The following CLCN7 variants were observed in gnomAD, a reference collection of about 807,000 sequenced individuals.
The protein encoded by CLCN7 is H(+)/Cl(-) exchange transporter 7.
Under a neutral mutation model 102.1 loss-of-function variants are expected in CLCN7, and 60 were observed. That is an observed-to-expected ratio of 0.59 (90% CI 0.48 to 0.73). CLCN7 has a LOEUF of 0.73. Ranked by LOEUF, CLCN7 falls within the 30% of genes least tolerant of loss-of-function variation. The pLI is 0.00. For synonymous variants in CLCN7, 560 were observed against 490.5 expected, an observed-to-expected ratio of 1.14 and a Z score of -1.87; for missense variants, 962 against 1,125.7, an observed-to-expected ratio of 0.85 and a Z score of 2.08.
At position 1,450,257 on chromosome 16, in the gene CLCN7, C is replaced by T. The variant is rs555281866; in HGVS notation, c.1617+240G>A. 96 of 580,498 alleles carry T rather than the reference C, an allele frequency of 1.7e-4. 1 individual carries two copies. Among genetic ancestry groups the T allele is most frequent in the South Asian group, 4.0e-5 (2 of 50,424 alleles). The allele number at this position is 580,498 out of a possible 1,614,324, so 36.0% of individuals were successfully genotyped here. A position where few individuals can be genotyped will look rare whatever the true frequency, so the allele number is the denominator to read the frequency against. On this transcript the variant is annotated intron_variant, in intron 17 of 24. Coordinates refer to ENST00000382745, the MANE Select transcript of CLCN7 (RefSeq NM_001287.6). ...TCTCAAGAATAAGGACACGAGCCTC[C>T]GCCCCCTACCTTCGCCTGGTCCAGA...
chr16:1,463,768 T>C (rs548962025), intron 2 of CLCN7, among the ~76,000 whole-genome samples: 136 of 115,536 alleles, frequency 1.2e-3, no homozygotes, highest in African/African-American at 4.7e-3. Flanking sequence ...CCACCACACC[T>C]GCCCAGAAAA....
chr16:1,447,098 G>C lies in CLCN7; in HGVS notation c.2251-12C>G, dbSNP rs1321473259. ...GGGAGCGACGCCTCCTGCAGCAGGGGCACAGCTGTCAGTGCCCGCCCACAC... is the reference window on the plus strand; with the variant it reads ...GGGAGCGACGCCTCCTGCAGCAGGGCCACAGCTGTCAGTGCCCGCCCACAC... On this transcript the variant is annotated splice_polypyrimidine_tract_variant and intron_variant, in intron 23 of 24. Transcript: ENST00000382745. 6.3e-7 allele frequency: 1 copy of C among 1,588,150 alleles called. No individual in the cohort carries two copies. Among genetic ancestry groups the C allele is most frequent in the Non-Finnish European group, 8.5e-7 (1 of 1,172,830 alleles).
intron 1 of CLCN7, chr16:1,474,218 G>A: frequency 2.2e-6 from 1 of 456,082 alleles, no homozygotes; most frequent in South Asian, 1.5e-5. Flanking sequence ...CTGACTTGCT[G>A]CTTATTGTGT....
intron 1 of CLCN7, among the ~76,000 whole-genome samples, chr16:1,473,867 G>A (rs1018954226): frequency 6.6e-6 from 1 of 151,836 alleles, no homozygotes; most frequent in East Asian, 2.0e-4. Context: ...GGGGGATCAC[G>A]TGAGGTCGGG....
Position 1,452,839 on chromosome 16 carries a change from G to A in CLCN7, c.1269C>T (p.Val423=). The A allele has an allele frequency of 6.3e-7, 1 of 1,589,826 alleles. No individual in the cohort carries two copies. The highest frequency in any genetic ancestry group is 8.6e-7 in the Non-Finnish European group (1 of 1,168,450). ...TCAGCACGAAGGCAACTGTGGCCGT[G>A]ACGGCGGCCACCAGCACGGCCTCAA... is the stretch of plus-strand genomic sequence containing the variant. ...QVIEAVLVAA[V]TATVAFVLIY... The change falls in exon 15 of 25, where the codon GTC becomes GTT. Residue 423 remains valine, a synonymous_variant. Coordinates refer to ENST00000382745, the MANE Select transcript of CLCN7 (RefSeq NM_001287.6).
Position 1,456,220 on chromosome 16 carries a change from A to G in CLCN7, c.823-14T>C. On this transcript the variant is annotated splice_polypyrimidine_tract_variant and intron_variant, in intron 9 of 24. Coordinates refer to ENST00000382745, the MANE Select transcript of CLCN7 (RefSeq NM_001287.6). Reference sequence around the variant, plus strand: ...GTACTCGAAGATCTGCAACAGGGACAGACCAGGGTCGGGGCAGGTTCCTTG... The same window carrying G: ...GTACTCGAAGATCTGCAACAGGGACGGACCAGGGTCGGGGCAGGTTCCTTG... The G allele has an allele frequency of 6.4e-7, 1 of 1,556,898 alleles. No homozygotes were observed. The highest frequency in any genetic ancestry group is 8.7e-7 in the Non-Finnish European group (1 of 1,148,914).
At chr16:1,471,609 C>T (rs998924348) in intron 1 of CLCN7, 1 of 152,248 alleles carries the variant, frequency 6.6e-6, no homozygotes, top group African/African-American at 2.4e-5. Context: ...TTTAACACGA[C>T]CGGGCACGAC....
Position 1,450,489 on chromosome 16 carries a change from C to G in CLCN7, c.1617+8G>C. The stretch of plus-strand genomic sequence containing the variant: ...GGGCCCCACAGCCTCCCCTCCGGCC[C>G]CACTCACCGCCGCCCCCGTGAGGTA... On this transcript the variant is annotated splice_region_variant and intron_variant, in intron 17 of 24. Coordinates refer to ENST00000382745, the MANE Select transcript of CLCN7 (RefSeq NM_001287.6). The G allele has an allele frequency of 6.3e-7, 1 of 1,593,002 alleles. No homozygotes were observed. Among genetic ancestry groups the G allele is most frequent in the Non-Finnish European group, 8.5e-7 (1 of 1,170,796 alleles).
intron 1 of CLCN7, among the ~76,000 whole-genome samples, chr16:1,473,505 C>CT (rs2039107255): frequency 6.7e-6 from 1 of 149,052 alleles, no homozygotes; most frequent in African/African-American, 2.5e-5. Flanking sequence ...TCCCGAGTAG[C>CT]TGGGACTACA....
At chr16:1,473,406 T>C (rs2039105383) in intron 1 of CLCN7, among the ~76,000 whole-genome samples, 1 of 131,850 alleles carries the variant, frequency 7.6e-6, no homozygotes, top group African/African-American at 3.1e-5. Flanking sequence ...AGACGGAGTC[T>C]CGCTCTGCCC....
intron 15 of CLCN7, 29 bp from the exon 16 acceptor site, chr16:1,451,745 G>C: frequency 6.3e-7 from 1 of 1,586,988 alleles, no homozygotes; most frequent in Non-Finnish European, 8.6e-7. Context: ...GCACACGTTG[G>C]GAGGGGAGAT....
intron 1 of CLCN7, among the ~76,000 whole-genome samples, chr16:1,473,204 C>G (rs2142407762): frequency 6.6e-6 from 1 of 152,178 alleles, no homozygotes; most frequent in South Asian, 2.1e-4. Context: ...TTCATGCAGA[C>G]TACAGCACGG....
chr16:1,459,017 G>T, intron 7 of CLCN7, 90 bp downstream of exon 7: 1 of 1,163,708 alleles, frequency 8.6e-7, no homozygotes, highest in Non-Finnish European at 1.2e-6. Flanking sequence ...GCTGAGGCCA[G>T]TTCTGGAAGG....
rs1281138932 is a variant in CLCN7 at position 1,457,153 on chromosome 16, GC to G, written c.822+100del. 1.3e-5 allele frequency: 15 copies of G among 1,117,462 alleles called. No homozygotes were observed. Among genetic ancestry groups the G allele is most frequent in the Non-Finnish European group, 1.4e-5 (10 of 735,450 alleles). The allele number at this position is 1,117,462 out of a possible 1,614,324, so 69.2% of individuals were successfully genotyped here. A position where few individuals can be genotyped will look rare whatever the true frequency, so the allele number is the denominator to read the frequency against. On this transcript the variant is annotated intron_variant, in intron 9 of 24. Transcript: ENST00000382745. The surrounding 1 kb of genome is among the most constrained non-coding windows in gnomAD (Gnocchi z 5.4). ...CAGGCTGTCCTCAGATGGGGCTGGG[GC>G]TCTCGGCCTGGGGGTGCTGAGGGAA...
At chr16:1,454,877 G>A (rs1026583402) in intron 12 of CLCN7, among the ~76,000 whole-genome samples, 2 of 152,224 alleles carry the variant, frequency 1.3e-5, no homozygotes, top group Non-Finnish European at 2.9e-5. Context: ...GTGCCCCCAG[G>A]CCGTGGGAGG....
chr16:1,460,348 T>C, intron 6 of CLCN7, 70 bp downstream of exon 6: 2 of 1,140,758 alleles, frequency 1.8e-6, no homozygotes, highest in Non-Finnish European at 1.3e-6. Flanking sequence ...GCTGCAGGGG[T>C]TCCCGCCCAT....
rs2039042495 is a variant in CLCN7, at chr16:1,469,012, G to A, written c.142-3674C>T. Reference sequence around the variant, plus strand: ...TCGAGACCAGCCTGGCCAACATGAAGCAACCCCGTCTCTACTTAAAAAAAA... The same window carrying A: ...TCGAGACCAGCCTGGCCAACATGAAACAACCCCGTCTCTACTTAAAAAAAA... On this transcript the variant is annotated intron_variant, in intron 1 of 24. Transcript: ENST00000382745. 2.0e-5 allele frequency among the ~76,000 whole-genome samples: 3 copies of A among 146,970 alleles called. No individual in the cohort carries two copies. The South Asian group carries it at 6.6e-4, about 32-fold the overall frequency.
At position 1,448,344 on chromosome 16, in the gene CLCN7, G is replaced by A; in HGVS notation, c.2013+11C>T. 8.1e-6 allele frequency: 13 copies of A among 1,612,682 alleles called. No homozygotes were observed. Among genetic ancestry groups the A allele is most frequent in the South Asian group, 5.5e-5 (5 of 91,080 alleles). On this transcript the variant is annotated intron_variant, in intron 21 of 24. Transcript: ENST00000382745. ...ACATAGGCAGGACCCTGTCTATGGGGTGCCCGGTACCTGGGTGTCATCGGC... is the reference window on the plus strand; with the variant it reads ...ACATAGGCAGGACCCTGTCTATGGGATGCCCGGTACCTGGGTGTCATCGGC...
rs745692284 is a variant in CLCN7 at position 1,451,632 on chromosome 16, C to T, written c.1438G>A (p.Asp480Asn). The change falls in exon 16 of 25, where the codon GAC becomes AAC. Residue 480 changes from aspartate to asparagine, a missense_variant. Physicochemically the swap from Asp to Asn is conservative, Grantham distance 23 (BLOSUM62 1). Coordinates refer to ENST00000382745, the MANE Select transcript of CLCN7 (RefSeq NM_001287.6). The stretch of plus-strand genomic sequence containing the variant: ...CACTGCCCACACACACCTGGCGGGT[C>T]GTGGAAGAGGCTCACCACGCTCTTC... ...PEKSVVSLFH[D>N]PPGSYNPLTL... is the part of the protein sequence containing the mutation. The T allele has an allele frequency of 1.9e-6, 3 of 1,611,876 alleles. No homozygotes were observed. The highest frequency in any genetic ancestry group is 2.5e-6 in the Non-Finnish European group (3 of 1,179,860).
Sources: gnomAD v4.1 joint callset for allele counts (sites outside exome capture counted in the v4.1 genomes callset) on GRCh38, gnomAD v4.1.1 for gene constraint, Gnocchi (gnomAD v3.1) non-coding constraint, MANE v1.5 for transcripts, NCBI Gene and HGNC (gene_info 2026-07-23, HGNC 2026-07-21) for gene names.